The following PLEKHG6 variants were observed in gnomAD, a reference collection of about 807,000 sequenced individuals.
PLEKHG6 encodes the protein pleckstrin homology and RhoGEF domain containing G6, also known as pleckstrin homology domain-containing family G member 6.
PLEKHG6 carries 91 observed loss-of-function variants against 97.5 expected under a neutral mutation model. That is an observed-to-expected ratio of 0.93 (90% confidence interval 0.79 to 1.11). PLEKHG6 has a LOEUF of 1.11. PLEKHG6 is among the 50% of genes most tolerant of loss of function. PLEKHG6 has a pLI of 0.00. For synonymous variants in PLEKHG6, 466 were observed against 425.5 expected (o/e 1.10, Z -1.17); for missense variants, 1,044 against 1,031.0 (o/e 1.01, Z -0.17).
chr12:6,312,640 C>T (rs781045788), intron 2 of PLEKHG6: 50 of 1,249,362 alleles, frequency 4.0e-5, no homozygotes, highest in East Asian at 7.4e-5. Flanking sequence ...CAAAGAGCTG[C>T]GGGTAAGGTC....
chr12:6,310,990 G>C (rs902842974), intron 1 of PLEKHG6, 142 bp downstream of exon 1: 2 of 152,316 alleles, frequency 1.3e-5, no homozygotes, highest in Non-Finnish European at 2.9e-5. Context: ...CAGGACCCTG[G>C]GTAGGGAGCA....
upstream of PLEKHG6, chr12:6,310,621 C>G (rs1947222858): frequency 6.6e-6 from 1 of 152,030 alleles, no homozygotes; most frequent in South Asian, 2.1e-4. Context: ...AGGGCCCCGC[C>G]CCTCTGCCCC....
At chr12:6,310,916 C>A (rs1291996621) in intron 1 of PLEKHG6, 68 bp downstream of exon 1, 3 of 152,844 alleles carry the variant, frequency 2.0e-5, no homozygotes, top group Non-Finnish European at 4.4e-5. Context: ...GAAGCCGGGG[C>A]GAAGGGGAAG....
At position 6,313,078 on chromosome 12, in the gene PLEKHG6, G is replaced by C. The variant is rs147196755; in HGVS notation, c.139-551G>C. On this transcript the variant is annotated intron_variant, in intron 2 of 15. Transcript: ENST00000684764. ...CAAATGAAGGAATGTGACCAGGCCT[G>C]CCCTGGGAGGAGCTGTGTGGCTGTG... 3,207 of 1,529,650 alleles carry C rather than the reference G, an allele frequency of 2.1e-3. 10 individuals carry two copies. Among genetic ancestry groups the C allele is most frequent in the Non-Finnish European group, 2.6e-3 (2,932 of 1,129,682 alleles). The allele number at this position is 1,529,650 out of a possible 1,614,324, so 94.8% of individuals were successfully genotyped here.
Position 6,317,705 on chromosome 12 carries a change from C to T in PLEKHG6, c.1017+9C>T, listed in dbSNP as rs879188948. The T allele has an allele frequency of 1.2e-6, 2 of 1,612,672 alleles. No homozygotes were observed. The highest frequency in any genetic ancestry group is 8.5e-7 in the Non-Finnish European group (1 of 1,179,750). ...AGGCCCTGAATGCCATGGTAGGTGC[C>T]CCAGTGGGGCTGGGACTCTGGTGAA... On this transcript the variant is annotated intron_variant, in intron 9 of 15. Coordinates refer to ENST00000684764, the MANE Select transcript of PLEKHG6 (RefSeq NM_001384598.1).
At chr12:6,314,415 G>A (rs1947380356) in intron 3 of PLEKHG6, among the ~76,000 whole-genome samples, 1 of 152,132 alleles carries the variant, frequency 6.6e-6, no homozygotes, top group Non-Finnish European at 1.5e-5. Context: ...GCTGAAGCAG[G>A]AGAATCGCTT....
rs112807028 is a variant in PLEKHG6, at chr12:6,327,650, G to A, written c.2067G>A (p.Arg689=). Residue 689 remains arginine (R), a synonymous_variant, in exon 15 of 16, where the codon CGG becomes CGA. Transcript: ENST00000684764. Reference sequence around the variant, plus strand: ...TGGTGGAAACACTCCACAGGGCCCGGCTTCGGGGCCAGCTTCCCTCCTCCC... The same window carrying A: ...TGGTGGAAACACTCCACAGGGCCCGACTTCGGGGCCAGCTTCCCTCCTCCC... ...NVVVETLHRA[R]LRGQLPSSPT... The A allele has an allele frequency of 5.9e-4, 925 of 1,560,174 alleles. 6 individuals are homozygous for A. The African/African-American group carries it at 0.011, about 18-fold the overall frequency.
Position 6,313,653 on chromosome 12 carries a change from C to A in PLEKHG6, c.163C>A (p.Gln55Lys). Residue 55 changes from glutamine to lysine, a missense_variant, in exon 3 of 16, where the codon CAG (glutamine) becomes AAG (lysine). Transcript: ENST00000684764. ...VLDPSRRRLQ[Q>K]YVPFARGSGQ... Reference sequence around the variant, plus strand: ...GGATCCCAGTCGCCGACGCCTCCAGCAGTATGTCCCCTTTGCCAGGGGTTC... The same window carrying A: ...GGATCCCAGTCGCCGACGCCTCCAGAAGTATGTCCCCTTTGCCAGGGGTTC... 1 of 1,614,126 alleles carries A rather than the reference C, an allele frequency of 6.2e-7. No homozygotes were observed. The highest frequency in any genetic ancestry group is 8.5e-7 in the Non-Finnish European group (1 of 1,180,016).
chr12:6,319,623 CA>C, intron 13 of PLEKHG6: 1 of 1,536,014 alleles, frequency 6.5e-7, no homozygotes, highest in South Asian at 1.2e-5. Context: ...AGCCTTTGGC[CA>C]GCTACTGTGC....
In PLEKHG6 at chr12:6,319,372, C is replaced by G. The variant is rs185513948; in HGVS notation, c.1524+264C>G. 2,809 of 680,106 alleles carry G rather than the reference C, an allele frequency of 4.1e-3. 18 individuals carry two copies. The highest frequency in any genetic ancestry group is 6.1e-3 in the South Asian group (302 of 49,278). The allele number at this position is 680,106 out of a possible 1,614,324, so 42.1% of individuals were successfully genotyped here. On this transcript the variant is annotated intron_variant, in intron 13 of 15. Coordinates refer to ENST00000684764, the MANE Select transcript of PLEKHG6 (RefSeq NM_001384598.1). ...CTGAGGCAGGAGAATCACTTGAGCCCGGGAAGTGGAGGTTGCAGTGACCTG... is the reference window on the plus strand; with the variant it reads ...CTGAGGCAGGAGAATCACTTGAGCCGGGGAAGTGGAGGTTGCAGTGACCTG...
At chr12:6,319,804 C>T (rs1207452124) in intron 13 of PLEKHG6, 7 of 832,822 alleles carry the variant, frequency 8.4e-6, no homozygotes, top group Non-Finnish European at 1.3e-5. Context: ...ACCACCATTC[C>T]TGCCCTCAAG....
chr12:6,317,651 C>CAAG lies in PLEKHG6; in HGVS notation c.974_976dup (p.Lys325dup). 1 of 1,613,966 alleles carries CAAG rather than the reference C, an allele frequency of 6.2e-7. No individual in the cohort carries two copies. Among genetic ancestry groups the CAAG allele is most frequent in the East Asian group, 2.2e-5 (1 of 44,886 alleles). ...ACCCACTGCTGCTCCATGCTGTGCT[C>CAAG]AAGAGGAGCCCCGAGGCACGAGCCC... On this transcript the variant is annotated inframe_insertion, in exon 9 of 16. Transcript: ENST00000684764.
At chr12:6,326,110 G>T (rs1383464578) in intron 13 of PLEKHG6, among the ~76,000 whole-genome samples, 3 of 152,078 alleles carry the variant, frequency 2.0e-5, no homozygotes, top group East Asian at 1.9e-4. Context: ...TTTGAGACCA[G>T]CCTGGCCAAG....
At chr12:6,326,103 G>T (rs953376663) in intron 13 of PLEKHG6, among the ~76,000 whole-genome samples, 11 of 152,054 alleles carry the variant, frequency 7.2e-5, no homozygotes, top group Non-Finnish European at 1.6e-4. Flanking sequence ...TCAGGAGTTT[G>T]AGACCAGCCT....
intron 13 of PLEKHG6, chr12:6,319,325 G>A (rs1349736355): frequency 3.2e-6 from 2 of 615,792 alleles, no homozygotes; most frequent in Non-Finnish European, 5.6e-6. Context: ...GTGTGTGCCT[G>A]TAGTCCCCAT....
chr12:6,313,878 GGT>G, intron 3 of PLEKHG6, 94 bp downstream of exon 3: 2 of 1,201,254 alleles, frequency 1.7e-6, no homozygotes, highest in Non-Finnish European at 2.3e-6. Flanking sequence ...TGAGAACACA[GGT>G]CCAGGAGGCT....
rs151187687 is a variant in PLEKHG6, at chr12:6,312,309, G to A, written c.83G>A (p.Arg28Gln). ...SRIETYGGRH[R>Q]ASAQSTAGRL... is the part of the protein sequence containing the mutation. Reference sequence around the variant, plus strand: ...ATTGAGACTTATGGGGGCCGGCATCGAGCCTCTGCTCAGAGCACTGCTGGC... The same window carrying A: ...ATTGAGACTTATGGGGGCCGGCATCAAGCCTCTGCTCAGAGCACTGCTGGC... The change falls in exon 2 of 16, where the codon CGA becomes CAA. Residue 28 changes from arginine to glutamine, a missense_variant. Transcript: ENST00000684764. 2.3e-4 allele frequency: 354 copies of A among 1,571,722 alleles called. 3 individuals are homozygous for A. The highest frequency in any genetic ancestry group is 1.7e-3 in the South Asian group (143 of 84,468).
At chr12:6,313,893 T>G (rs886212570) in intron 3 of PLEKHG6, 109 bp downstream of exon 3, 5 of 1,017,548 alleles carry the variant, frequency 4.9e-6, no homozygotes, top group Non-Finnish European at 7.0e-6. Flanking sequence ...AGGAGGCTGC[T>G]GCCTGCCAGT....
chr12:6,313,482 C>G, intron 2 of PLEKHG6, 147 bp from the exon 3 acceptor site: 1 of 973,466 alleles, frequency 1.0e-6, no homozygotes, highest in Non-Finnish European at 1.5e-6. Flanking sequence ...GCAGTCCACA[C>G]CAAACTGGTT....
Sources: allele counts gnomAD v4.1 joint callset (sites outside exome capture counted in the v4.1 genomes callset), GRCh38; gene constraint gnomAD v4.1.1; transcripts MANE v1.5; gene names NCBI Gene and HGNC (gene_info 2026-07-23, HGNC 2026-07-21).